Variants in MPP7 observed in about 807,000 individuals in gnomAD.
MPP7 encodes MAGUK p55 subfamily member 7.
MPP7 carries 60 observed loss-of-function variants against 76.5 expected under a neutral mutation model. That is an observed-to-expected ratio of 0.78 (90% CI 0.64 to 0.97). The LOEUF (loss-of-function observed/expected upper bound fraction) is 0.97. MPP7 is among the 50% of genes least tolerant of loss of function. The pLI is 0.00. For missense variants in MPP7, 641 were observed against 694.0 expected, an observed-to-expected ratio of 0.92 and a Z score of 0.86; for synonymous variants, 237 against 244.5, an observed-to-expected ratio of 0.97 and a Z score of 0.29.
At chr10:28,275,390 C>T (rs1481584359) in intron 1 of MPP7, among the ~76,000 whole-genome samples, 3 of 151,414 alleles carry the variant, frequency 2.0e-5, no homozygotes, top group African/African-American at 7.3e-5. Flanking sequence ...TCACTGTGTC[C>T]TGTCACCTTC....
intron 11 of MPP7, among the ~76,000 whole-genome samples, chr10:28,106,896 C>T (rs563397725): frequency 6.6e-6 from 1 of 152,190 alleles, no homozygotes; most frequent in Non-Finnish European, 1.5e-5. Flanking sequence ...TTTCTGATCA[C>T]CCCTTCCTTT....
At chr10:28,088,590 T>C (rs1373272732) in intron 12 of MPP7, among the ~76,000 whole-genome samples, 1 of 152,136 alleles carries the variant, frequency 6.6e-6, no homozygotes, top group East Asian at 1.9e-4. Context: ...TTAAACCTCT[T>C]TTCTTCATAA....
At chr10:28,242,264 T>C (rs186457718) in intron 1 of MPP7, among the ~76,000 whole-genome samples, 2 of 152,290 alleles carry the variant, frequency 1.3e-5, no homozygotes, top group Non-Finnish European at 2.9e-5. Context: ...GAAATCCAAC[T>C]GTAGATTATT....
intron 12 of MPP7, among the ~76,000 whole-genome samples, chr10:28,079,305 C>A (rs945882525): frequency 6.6e-6 from 1 of 152,048 alleles, no homozygotes; most frequent in South Asian, 2.1e-4. Context: ...AACATGGTCT[C>A]CCCAAATAAT....
intron 11 of MPP7, among the ~76,000 whole-genome samples, chr10:28,097,174 T>C (rs1335319483): frequency 5.3e-5 from 8 of 152,030 alleles, no homozygotes; most frequent in Non-Finnish European, 8.8e-5. Context: ...AAACTGTATT[T>C]TGTAGAGATG....
chr10:28,240,082 TAAC>T (rs1199338178), intron 1 of MPP7, among the ~76,000 whole-genome samples: 9 of 152,120 alleles, frequency 5.9e-5, no homozygotes, highest in African/African-American at 2.2e-4. Flanking sequence ...CCCTGGCTAA[TAAC>T]AGAGAAAGTA....
At chr10:28,271,094 A>C (rs1840313103) in intron 1 of MPP7, among the ~76,000 whole-genome samples, 1 of 152,204 alleles carries the variant, frequency 6.6e-6, no homozygotes, top group Non-Finnish European at 1.5e-5. Flanking sequence ...TGTGTGCATA[A>C]TTCGAAACAA....
chr10:28,082,810 T>G (rs1852825970), intron 12 of MPP7, among the ~76,000 whole-genome samples: 1 of 152,036 alleles, frequency 6.6e-6, no homozygotes, highest in Non-Finnish European at 1.5e-5. Context: ...TGTATCTAGC[T>G]GGTCTTGAGC....
In MPP7 at chr10:28,166,424, T is replaced by TGGG. The variant is rs1554844611; in HGVS notation, c.157-16368_157-16366dup. The stretch of plus-strand genomic sequence containing the variant: ...AATTTTTTTTTTTTTTTTTTTTTTT[T>TGGG]GGGACAGAGTTCTGGTCTTGTTGCT... On this transcript the variant is annotated intron_variant, in intron 3 of 16. Coordinates refer to ENST00000683449, the MANE Select transcript of MPP7 (RefSeq NM_001318170.2). Among the ~76,000 whole-genome samples the TGGG allele has an allele frequency of 6.8e-3, 881 of 129,492 alleles. 35 individuals carry two copies. Among genetic ancestry groups the TGGG allele is most frequent in the Admixed American group, 0.057 (698 of 12,280 alleles). The allele number at this position is 129,492 out of a possible 152,430, so 85.0% of individuals were successfully genotyped here.
At chr10:28,288,108 T>A (rs1436739536) in intron 1 of MPP7, among the ~76,000 whole-genome samples, 1 of 152,242 alleles carries the variant, frequency 6.6e-6, no homozygotes, top group Non-Finnish European at 1.5e-5. Flanking sequence ...TCCAGCTGCT[T>A]CTACGAAACC....
intron 12 of MPP7, among the ~76,000 whole-genome samples, chr10:28,070,793 G>A (rs545656522): frequency 1.8e-4 from 28 of 152,170 alleles, no homozygotes; most frequent in Non-Finnish European, 3.7e-4. Flanking sequence ...GGAAGTCACC[G>A]GTTAATTATG....
At chr10:28,061,492 T>C (rs183826146) in intron 13 of MPP7, among the ~76,000 whole-genome samples, 3 of 151,516 alleles carry the variant, frequency 2.0e-5, no homozygotes, top group Non-Finnish European at 2.9e-5. Flanking sequence ...AATTATATAA[T>C]CTAAACAACA....
chr10:28,189,726 C>T (rs1391410732), intron 3 of MPP7, among the ~76,000 whole-genome samples: 1 of 149,418 alleles, frequency 6.7e-6, no homozygotes, highest in Non-Finnish European at 1.5e-5. Flanking sequence ...CAACTAAAAG[C>T]AGAGAAGGAA....
At chr10:28,221,090 C>A (rs1350209277) in intron 2 of MPP7, among the ~76,000 whole-genome samples, 1 of 152,070 alleles carries the variant, frequency 6.6e-6, no homozygotes, top group African/African-American at 2.4e-5. Context: ...AACAAAAAGA[C>A]GAACCCTCAT....
intron 1 of MPP7, among the ~76,000 whole-genome samples, chr10:28,284,543 C>T (rs939051043): frequency 6.6e-6 from 1 of 152,186 alleles, no homozygotes; most frequent in Non-Finnish European, 1.5e-5. Flanking sequence ...CCTCTTCAGT[C>T]TCATCTGACT....
rs574108455 is a variant in MPP7 at position 28,271,723 on chromosome 10, C to G, written c.-132+31138G>C. Among the ~76,000 whole-genome samples the G allele has an allele frequency of 3.3e-5, 5 of 152,280 alleles. No homozygotes were observed. In the South Asian group the frequency reaches 1.0e-3, roughly 32 times the overall value. ...TGGGGCAGTGGCTCACGCCTGTAAT[C>G]CCAGCACTTTGGGAGGCTGAAGCAG... On this transcript the variant is annotated intron_variant, in intron 1 of 16. Coordinates refer to ENST00000683449, the MANE Select transcript of MPP7 (RefSeq NM_001318170.2).
At chr10:28,123,903 G>T in intron 8 of MPP7, 128 bp downstream of exon 8, 1 of 644,892 alleles carries the variant, frequency 1.6e-6, no homozygotes, top group East Asian at 2.6e-5. Context: ...AGAACACACA[G>T]GGATTAAGTG....
At chr10:28,261,114 A>G (rs928282651) in intron 1 of MPP7, among the ~76,000 whole-genome samples, 8 of 151,994 alleles carry the variant, frequency 5.3e-5, no homozygotes, top group Admixed American at 2.6e-4. Flanking sequence ...CTCTTTATAT[A>G]CTTTGTCTCT....
At chr10:28,139,423 TG>T (rs1156933887) in intron 5 of MPP7, among the ~76,000 whole-genome samples, 1 of 152,224 alleles carries the variant, frequency 6.6e-6, no homozygotes, top group African/African-American at 2.4e-5. Flanking sequence ...TATACTGAGC[TG>T]ATCATGACCC....
Sources: allele counts gnomAD v4.1 joint callset (sites outside exome capture counted in the v4.1 genomes callset), GRCh38; gene constraint gnomAD v4.1.1; transcripts MANE v1.5; gene names NCBI Gene and HGNC (gene_info 2026-07-23, HGNC 2026-07-21).